The following TNRC6A variants were observed in gnomAD, a reference collection of about 807,000 sequenced individuals.
TNRC6A encodes trinucleotide repeat containing adaptor 6A.
Under a neutral mutation model 221.2 loss-of-function variants are expected in TNRC6A, and 44 were observed. That is an observed-to-expected ratio of 0.20 (90% CI 0.16 to 0.26). The LOEUF is 0.26. Ranked by LOEUF, TNRC6A falls within the 10% of genes least tolerant of loss-of-function variation. TNRC6A has a pLI of 1.00. For missense variants in TNRC6A, 2,199 were observed against 2,404.4 expected, an observed-to-expected ratio of 0.91 and a Z score of 1.79; for synonymous variants, 847 against 838.5, an observed-to-expected ratio of 1.01 and a Z score of -0.18.
chr16:24,823,562 C>G lies in TNRC6A; in HGVS notation c.5644C>G (p.Leu1882Val), dbSNP rs1450403616. Residue 1882 changes from leucine (L) to valine (V), a missense_variant, in exon 25 of 25, where the codon CTG becomes GTG. Leu to Val is a conservative substitution (Grantham distance 32). Transcript: ENST00000395799. This position sits in a 1 kb window ranked among gnomAD's most constrained non-coding sequence, Gnocchi z 4.3. ...GTCTCTCGGGTCCAGCCAGAGCCGG[C>G]TGGGCTCCCTCGACTGTTCCCACTC... ...WQSLGSSQSR[L>V]GSLDCSHSFS... is the part of the protein sequence containing the mutation. The G allele has an allele frequency of 1.2e-6, 2 of 1,614,090 alleles. No homozygotes were observed. The highest frequency in any genetic ancestry group is 1.3e-5 in the African/African-American group (1 of 74,942).
chr16:24,813,265 G>A lies in TNRC6A; in HGVS notation c.4673-1882G>A, dbSNP rs539250394. On this transcript the variant is annotated intron_variant, in intron 18 of 24. Coordinates refer to ENST00000395799, the MANE Select transcript of TNRC6A (RefSeq NM_014494.4). ...TAGAGATATATTGCATACTGGTGGA[G>A]ATTGGGCTTCCAGTAAGCCCATTGC... Among the ~76,000 whole-genome samples the A allele has an allele frequency of 2.0e-5, 3 of 152,256 alleles. No homozygotes were observed. In the South Asian group the frequency reaches 6.2e-4, roughly 32 times the overall value.
At chr16:24,746,386 G>A (rs1567417042) in intron 2 of TNRC6A, among the ~76,000 whole-genome samples, 1 of 152,112 alleles carries the variant, frequency 6.6e-6, no homozygotes, top group Non-Finnish European at 1.5e-5. Context: ...ATTCCAGCTC[G>A]GGGCAACTGA....
intron 1 of TNRC6A, among the ~76,000 whole-genome samples, chr16:24,624,057 GC>G (rs1195919089): frequency 1.3e-5 from 2 of 152,144 alleles, no homozygotes; most frequent in African/African-American, 2.4e-5. Context: ...CACATACGCG[GC>G]TCTGCTGCTC....
At chr16:24,687,877 G>GAAGAAGAAGAAGAAGAAT (rs1157825824) in intron 2 of TNRC6A, among the ~76,000 whole-genome samples, 1 of 150,054 alleles carries the variant, frequency 6.7e-6, no homozygotes, top group Non-Finnish European at 1.5e-5. Flanking sequence ...AGAAGAAGAA[G>GAAGAAGAAGAAGAAGAAT]AAGAAGCAGC....
chr16:24,720,506 T>C (rs1295338667), intron 2 of TNRC6A, among the ~76,000 whole-genome samples: 2 of 149,610 alleles, frequency 1.3e-5, no homozygotes, highest in East Asian at 2.0e-4. Context: ...CTGGCCAACA[T>C]GGTGAAACCC....
At chr16:24,762,326 A>T in intron 4 of TNRC6A, among the ~76,000 whole-genome samples, 1 of 152,326 alleles carries the variant, frequency 6.6e-6, no homozygotes, top group African/African-American at 2.4e-5. Flanking sequence ...AATATTCACT[A>T]TCTATTAAGT....
At chr16:24,728,083 G>A (rs184965743), upstream of TNRC6A, among the ~76,000 whole-genome samples, 19 of 152,248 alleles carry the variant, frequency 1.2e-4, no homozygotes, top group Non-Finnish European at 2.1e-4. Flanking sequence ...TTAACCTATC[G>A]GAGAGGACAG....
chr16:24,739,016 G>A (rs1219272794), intron 2 of TNRC6A, among the ~76,000 whole-genome samples: 1 of 152,100 alleles, frequency 6.6e-6, no homozygotes, highest in Non-Finnish European at 1.5e-5. Flanking sequence ...CACCACGCCT[G>A]GCTAATTTTT....
intron 11 of TNRC6A, among the ~76,000 whole-genome samples, chr16:24,801,452 A>G (rs1477441779): frequency 6.6e-6 from 1 of 151,376 alleles, no homozygotes; most frequent in Admixed American, 6.6e-5. Context: ...CTGAGGGGAG[A>G]TTGCCACATT....
chr16:24,615,886 AC>A (rs1463780833), intron 1 of TNRC6A, among the ~76,000 whole-genome samples: 3 of 117,414 alleles, frequency 2.6e-5, no homozygotes, highest in Non-Finnish European at 4.9e-5. Flanking sequence ...ACATACCCCT[AC>A]ATGCTCTAAA....
intron 2 of TNRC6A, among the ~76,000 whole-genome samples, chr16:24,715,077 C>G (rs192557178): frequency 1.6e-3 from 247 of 150,722 alleles, no homozygotes; most frequent in African/African-American, 5.7e-3. Flanking sequence ...GGGGTTTCAC[C>G]GTGTTAGCCA....
intron 2 of TNRC6A, among the ~76,000 whole-genome samples, chr16:24,750,512 C>G (rs1257145330): frequency 3.3e-5 from 5 of 152,134 alleles, no homozygotes; most frequent in African/African-American, 1.2e-4. Flanking sequence ...GAGATAAAAG[C>G]TGTGCTACTT....
At position 24,816,889 on chromosome 16, in the gene TNRC6A, C is replaced by T; in HGVS notation, c.4905C>T (p.Gly1635=). The T allele has an allele frequency of 1.9e-6, 3 of 1,614,132 alleles. No homozygotes were observed. Among genetic ancestry groups the T allele is most frequent in the Non-Finnish European group, 2.5e-6 (3 of 1,180,008 alleles). Residue 1635 remains glycine (G), a synonymous_variant, in exon 20 of 25, where the codon GGC becomes GGT. Transcript: ENST00000395799. Reference sequence around the variant, plus strand: ...AAACTGACCCTTACGTCACTCCTGGCAGTGTCATAAACAATCTTTCAATTA... The same window carrying T: ...AAACTGACCCTTACGTCACTCCTGGTAGTGTCATAAACAATCTTTCAATTA... The part of the protein sequence containing the change: ...DPETDPYVTP[G]SVINNLSINT...
chr16:24,752,355 A>C (rs149466074), intron 3 of TNRC6A, among the ~76,000 whole-genome samples: 1 of 152,352 alleles, frequency 6.6e-6, no homozygotes, highest in South Asian at 2.1e-4. Flanking sequence ...TCAGTTCTGC[A>C]TGTCCTGAGC....
At chr16:24,816,453 C>A in intron 19 of TNRC6A, 1 of 172,490 alleles carries the variant, frequency 5.8e-6, no homozygotes, top group Non-Finnish European at 1.2e-5. Context: ...CTGCAGTGAG[C>A]TGTGATTGCA....
At chr16:24,639,601 T>A (rs993723668) in intron 1 of TNRC6A, among the ~76,000 whole-genome samples, 2 of 152,204 alleles carry the variant, frequency 1.3e-5, no homozygotes, top group Admixed American at 1.3e-4. Context: ...ATCATTCACT[T>A]ATTCACCAAC....
chr16:24,647,772 T>C (rs1428615607), intron 2 of TNRC6A, among the ~76,000 whole-genome samples: 1 of 152,094 alleles, frequency 6.6e-6, no homozygotes, highest in East Asian at 1.9e-4. Flanking sequence ...CCACCATGCC[T>C]GGCTAATTTT....
Position 24,823,319 on chromosome 16 carries a change from CTCTGTGCCT to C in TNRC6A, c.5514-106_5514-98del. 1.5e-6 allele frequency: 2 copies of C among 1,337,958 alleles called. No homozygotes were observed. The allele number at this position is 1,337,958 out of a possible 1,614,324, so 82.9% of individuals were successfully genotyped here. A position where few individuals can be genotyped will look rare whatever the true frequency, so the allele number is the denominator to read the frequency against. ...GCAGGTTATGTGGTGTAGTCTCTCC[CTCTGTGCCT>C]TCTGTGGCTTTTCTAGCAGAGACAA... On this transcript the variant is annotated intron_variant, in intron 24 of 24. Coordinates refer to ENST00000395799, the MANE Select transcript of TNRC6A (RefSeq NM_014494.4). The surrounding 1 kb of genome is among the most constrained non-coding windows in gnomAD (Gnocchi z 4.3).
At chr16:24,690,007 AAAAAAAAAAAAAAAAAAAAAT>A (rs1236566468) in intron 2 of TNRC6A, among the ~76,000 whole-genome samples, 26 of 58,308 alleles carry the variant, frequency 4.5e-4, no homozygotes, top group South Asian at 1.8e-3. Context: ...AAAAAAAAAA[AAAAAAAAAAAAAAAAAAAAAT>A]TTTTTTTTTT....
Sources: gnomAD v4.1 joint callset for allele counts (sites outside exome capture counted in the v4.1 genomes callset) on GRCh38, gnomAD v4.1.1 for gene constraint, Gnocchi (gnomAD v3.1) non-coding constraint, MANE v1.5 for transcripts, NCBI Gene and HGNC (gene_info 2026-07-23, HGNC 2026-07-21) for gene names.